The following AFF1 variants were observed in gnomAD, a reference collection of about 807,000 sequenced individuals.
AFF1 encodes the protein AF4/FMR2 family member 1.
A neutral mutation model predicts 121.7 loss-of-function variants in AFF1; 48 were observed. That is an observed-to-expected ratio of 0.39 (90% CI 0.31 to 0.50). The LOEUF (loss-of-function observed/expected upper bound fraction) is 0.50, where lower values mean the gene tolerates loss of function less well. Ranked by LOEUF, AFF1 falls within the 20% of genes least tolerant of loss-of-function variation. The pLI is 0.76. For synonymous variants in AFF1, 613 were observed against 563.0 expected (o/e 1.09, Z -1.26); for missense variants, 1,523 against 1,511.7 (o/e 1.01, Z -0.12).
intron 20 of AFF1, among the ~76,000 whole-genome samples, chr4:87,135,053 G>A (rs149991383): frequency 6.6e-6 from 1 of 152,348 alleles, no homozygotes; most frequent in East Asian, 1.9e-4. Flanking sequence ...GCACATTGGA[G>A]ATACAAAGTA....
chr4:87,017,735 G>A (rs561780475), intron 2 of AFF1, among the ~76,000 whole-genome samples: 7 of 152,308 alleles, frequency 4.6e-5, no homozygotes, highest in Middle Eastern at 3.4e-3. Context: ...TAAGTGAAGC[G>A]TCTGGAAATT....
intron 2 of AFF1, among the ~76,000 whole-genome samples, chr4:86,955,126 TA>T (rs1721646594): frequency 6.6e-6 from 1 of 152,196 alleles, no homozygotes; most frequent in African/African-American, 2.4e-5. Context: ...ATTAATAGCC[TA>T]TTTTATTTTA....
intron 2 of AFF1, among the ~76,000 whole-genome samples, chr4:86,951,186 C>T (rs1018464542): frequency 6.6e-6 from 1 of 152,122 alleles, no homozygotes; most frequent in Non-Finnish European, 1.5e-5. Context: ...TGAATAGCTT[C>T]GGCTCTTTTA....
intron 20 of AFF1, 73 bp from the exon 21 acceptor site, chr4:87,135,507 T>C: frequency 7.0e-7 from 1 of 1,432,502 alleles, no homozygotes; most frequent in South Asian, 1.5e-5. Context: ...AACCTTGAAT[T>C]TTTGTTTCCA....
intron 2 of AFF1, among the ~76,000 whole-genome samples, chr4:86,982,027 T>C (rs960852471): frequency 6.6e-6 from 1 of 152,174 alleles, no homozygotes; most frequent in African/African-American, 2.4e-5. Flanking sequence ...AAATGAGAAG[T>C]GACAGCACTG....
Position 87,047,050 on chromosome 4 carries a change from G to T in AFF1, c.515G>T (p.Gly172Val), listed in dbSNP as rs774402567. 6.2e-7 allele frequency: 1 copy of T among 1,614,192 alleles called. No homozygotes were observed. The highest frequency in any genetic ancestry group is 1.7e-5 in the Admixed American group (1 of 60,026). The change falls in exon 4 of 21, where the codon GGT (glycine) becomes GTT (valine). Residue 172 changes from glycine to valine, a missense_variant. Gly to Val is a moderately radical substitution (Grantham distance 109). This residue lies in a region of AFF1 where 369 missense variants were observed against 367.2 expected (regional missense o/e 1.00). Transcript: ENST00000395146. ...CAGCACCTGACCCAGGATCGCCTTG[G>T]TCAGGAGGGGTTCGGCTCTAGTCAT... is the stretch of plus-strand genomic sequence containing the variant. ...DSQHLTQDRL[G>V]QEGFGSSHHK...
At chr4:87,039,538 G>A (rs920987734) in intron 2 of AFF1, among the ~76,000 whole-genome samples, 1 of 152,228 alleles carries the variant, frequency 6.6e-6, no homozygotes, top group Non-Finnish European at 1.5e-5. Flanking sequence ...TGGCTTGAGT[G>A]TTTATGTTCT....
At position 87,127,166 on chromosome 4, in the gene AFF1, T is replaced by TCCCCCC. The variant is rs367995603; in HGVS notation, c.2903+53_2903+58dup. ...TTGCTCTGTTTTGTTTTGTTTTGCTTCCCCCCCCCACCAAGATAGAGTCTC... is the reference window on the plus strand; with the variant it reads ...TTGCTCTGTTTTGTTTTGTTTTGCTTCCCCCCCCCCCCCCCACCAAGATAGAGTCTC... On this transcript the variant is annotated intron_variant, in intron 15 of 20. Coordinates refer to ENST00000395146, the MANE Select transcript of AFF1 (RefSeq NM_001166693.3). 1.2e-5 allele frequency: 12 copies of TCCCCCC among 1,012,586 alleles called. No individual in the cohort carries two copies. In the African/African-American group the frequency reaches 1.5e-4, roughly 13 times the overall value. The allele number at this position is 1,012,586 out of a possible 1,614,324, so 62.7% of individuals were successfully genotyped here.
chr4:87,139,006 A>C lies in AFF1; in HGVS notation c.*3305A>C, dbSNP rs962726279. The C allele has an allele frequency of 4.4e-6, 1 of 224,920 alleles. No homozygotes were observed. The highest frequency in any genetic ancestry group is 8.8e-6 in the Non-Finnish European group (1 of 113,010). The allele number at this position is 224,920 out of a possible 1,614,324, so 13.9% of individuals were successfully genotyped here. On this transcript the variant is annotated 3_prime_UTR_variant, in exon 21 of 21. Transcript: ENST00000395146. ...GCCTTATTTGGTATCTTACACATTA[A>C]TGTTACTAGCATCAGGAGCTTACTG...
intron 4 of AFF1, among the ~76,000 whole-genome samples, chr4:87,077,485 AT>A (rs1293606725): frequency 6.6e-6 from 1 of 152,164 alleles, no homozygotes; most frequent in African/African-American, 2.4e-5. Context: ...TCAATCTAAT[AT>A]TTGTGTTTTT....
intron 2 of AFF1, among the ~76,000 whole-genome samples, chr4:86,984,980 G>C (rs534353711): frequency 6.6e-6 from 1 of 150,824 alleles, no homozygotes; most frequent in Admixed American, 6.6e-5. Context: ...GTTTAGTAAT[G>C]GTATTGGTAT....
chr4:86,975,911 A>G (rs961767957), intron 2 of AFF1, among the ~76,000 whole-genome samples: 2 of 152,244 alleles, frequency 1.3e-5, no homozygotes, highest in African/African-American at 2.4e-5. Flanking sequence ...AATTTTAGAT[A>G]AAGAGGAGGG....
At chr4:86,984,081 A>G (rs1311479632) in intron 2 of AFF1, among the ~76,000 whole-genome samples, 1 of 152,142 alleles carries the variant, frequency 6.6e-6, no homozygotes, top group Non-Finnish European at 1.5e-5. Context: ...CAATGTATCT[A>G]GTGTTTTAAA....
rs932878977 is a variant in AFF1, at chr4:87,138,065, T to G, written c.*2364T>G. On this transcript the variant is annotated 3_prime_UTR_variant, in exon 21 of 21. Coordinates refer to ENST00000395146, the MANE Select transcript of AFF1 (RefSeq NM_001166693.3). ...TTCTCTGAACTTGATATAAAGATTT[T>G]ATTTGTCCCTTGAAAAAGTAACAAA... 4.3e-6 allele frequency: 1 copy of G among 231,186 alleles called. No individual in the cohort carries two copies. The highest frequency in any genetic ancestry group is 5.7e-5 in the Admixed American group (1 of 17,696). The allele number at this position is 231,186 out of a possible 1,614,324, so 14.3% of individuals were successfully genotyped here.
At chr4:87,029,454 C>T (rs1036292666) in intron 2 of AFF1, among the ~76,000 whole-genome samples, 1 of 152,200 alleles carries the variant, frequency 6.6e-6, no homozygotes, top group African/African-American at 2.4e-5. Context: ...TCCAGCAGTG[C>T]ATTCTCCCAC....
intron 2 of AFF1, among the ~76,000 whole-genome samples, chr4:86,992,154 A>G (rs1165856888): frequency 2.0e-5 from 3 of 152,166 alleles, no homozygotes; most frequent in Non-Finnish European, 4.4e-5. Context: ...TGTGCAGCAT[A>G]GTGGTGAAGA....
chr4:87,073,980 C>T (rs1722398839), intron 4 of AFF1, among the ~76,000 whole-genome samples: 2 of 150,884 alleles, frequency 1.3e-5, no homozygotes, highest in South Asian at 2.1e-4. Context: ...TGTGTGTGCA[C>T]GTGCGTGTGT....
chr4:87,012,441 A>G (rs1391094303), intron 2 of AFF1, among the ~76,000 whole-genome samples: 1 of 152,128 alleles, frequency 6.6e-6, no homozygotes, highest in Admixed American at 6.5e-5. Context: ...AGAAACATAT[A>G]GTGAGGCTAA....
At chr4:87,077,831 C>T (rs1436134410) in intron 4 of AFF1, among the ~76,000 whole-genome samples, 4 of 152,004 alleles carry the variant, frequency 2.6e-5, no homozygotes, top group Non-Finnish European at 4.4e-5. Flanking sequence ...GTTGTAGTTG[C>T]GTAGCATTTA....
Sources: gnomAD v4.1 joint callset for allele counts (sites outside exome capture counted in the v4.1 genomes callset) on GRCh38, gnomAD v4.1.1 for gene constraint, gnomAD v4.1.1 regional missense constraint, MANE v1.5 for transcripts, NCBI Gene and HGNC (gene_info 2026-07-23, HGNC 2026-07-21) for gene names.